WFDC1: variants seen among roughly 807,000 people sequenced by gnomAD.
WFDC1 encodes the protein WAP four-disulfide core domain 1, also known as WAP four-disulfide core domain protein 1.
WFDC1 carries 39 observed loss-of-function variants against 32.9 expected under a neutral mutation model. That is an observed-to-expected ratio of 1.19 (90% CI 0.92 to 1.55). WFDC1 has a LOEUF of 1.55. WFDC1 is among the 40% of genes most tolerant of loss of function. The pLI is 0.00. For synonymous variants in WFDC1, 184 were observed against 137.4 expected (o/e 1.34, Z -2.37); for missense variants, 386 against 309.5 (o/e 1.25, Z -1.85).
At position 84,299,212 on chromosome 16, in the gene WFDC1, A is replaced by G. The variant is rs537853928; in HGVS notation, c.144+4097A>G. ...CCCGTCTGTACTAAAAATACAAAAA[A>G]AATTAGCCGGGCATGGTGGCGCATG... On this transcript the variant is annotated intron_variant, in intron 1 of 6. Coordinates refer to ENST00000219454, the MANE Select transcript of WFDC1 (RefSeq NM_021197.4). 2.1e-4 allele frequency among the ~76,000 whole-genome samples: 32 copies of G among 152,160 alleles called. 1 individual carries two copies. The East Asian group carries it at 5.8e-3, about 28-fold the overall frequency.
At chr16:84,302,359 T>C (rs966995223) in intron 1 of WFDC1, among the ~76,000 whole-genome samples, 21 of 151,926 alleles carry the variant, frequency 1.4e-4, no homozygotes, top group African/African-American at 5.1e-4. Flanking sequence ...AAATGGAAAA[T>C]TGCATGTTAT....
intron 1 of WFDC1, among the ~76,000 whole-genome samples, chr16:84,302,179 G>A (rs1167055264): frequency 6.6e-6 from 1 of 152,168 alleles, no homozygotes; most frequent in African/African-American, 2.4e-5. Context: ...GGACGGGAAG[G>A]AGATTCTTGG....
At chr16:84,326,303 C>T (rs570769157) in intron 5 of WFDC1, 1 of 152,802 alleles carries the variant, frequency 6.5e-6, no homozygotes. Flanking sequence ...TAATTTACAG[C>T]ACATATTTTC....
rs1423900284 is a variant in WFDC1, at chr16:84,312,853, C to T, written c.145-108C>T. ...GCTTGCTGTTTCTCACAAGAGGAAACGCAGGCTCAGAGAGGCCCGGCGCAC... is the reference window on the plus strand; with the variant it reads ...GCTTGCTGTTTCTCACAAGAGGAAATGCAGGCTCAGAGAGGCCCGGCGCAC... On this transcript the variant is annotated intron_variant, in intron 1 of 6. Coordinates refer to ENST00000219454, the MANE Select transcript of WFDC1 (RefSeq NM_021197.4). The T allele has an allele frequency of 6.4e-6, 4 of 623,996 alleles. No homozygotes were observed. The Admixed American group carries it at 1.6e-4, about 25-fold the overall frequency. The allele number at this position is 623,996 out of a possible 1,614,324, so 38.7% of individuals were successfully genotyped here.
intron 4 of WFDC1, among the ~76,000 whole-genome samples, chr16:84,322,160 CGT>C (rs10687228): frequency 6.2e-4 from 88 of 142,280 alleles, no homozygotes; most frequent in African/African-American, 1.8e-3. Flanking sequence ...TGTGTGTGTG[CGT>C]GTGTGTGTGT....
chr16:84,323,506 C>T (rs553737232), intron 4 of WFDC1, among the ~76,000 whole-genome samples: 22 of 152,302 alleles, frequency 1.4e-4, no homozygotes, highest in Admixed American at 1.2e-3. Flanking sequence ...AGCAGTTGAC[C>T]ACTTTTTACA....
At chr16:84,312,885 C>T (rs938126490) in intron 1 of WFDC1, 76 bp from the exon 2 acceptor site, 23 of 949,270 alleles carry the variant, frequency 2.4e-5, no homozygotes, top group African/African-American at 1.4e-4. Context: ...GCACTGCCCA[C>T]CCCCTTGCAA....
chr16:84,297,874 C>T (rs968564406), intron 1 of WFDC1, among the ~76,000 whole-genome samples: 13 of 152,070 alleles, frequency 8.5e-5, no homozygotes, highest in African/African-American at 1.2e-4. Flanking sequence ...CAGGGACTTA[C>T]GGATGATAGG....
intron 1 of WFDC1, among the ~76,000 whole-genome samples, chr16:84,307,750 G>T (rs919009149): frequency 2.0e-5 from 3 of 152,214 alleles, no homozygotes; most frequent in Admixed American, 2.0e-4. Flanking sequence ...CTCCGAAGGA[G>T]GCTGGGGCGC....
At chr16:84,304,377 C>T (rs555044426) in intron 1 of WFDC1, among the ~76,000 whole-genome samples, 5 of 151,904 alleles carry the variant, frequency 3.3e-5, no homozygotes, top group African/African-American at 4.8e-5. Context: ...TATAGGCACC[C>T]GCCACCACGC....
chr16:84,305,822 C>G (rs1013756683), intron 1 of WFDC1, among the ~76,000 whole-genome samples: 1 of 151,270 alleles, frequency 6.6e-6, no homozygotes, highest in Non-Finnish European at 1.5e-5. Flanking sequence ...GGCAACAAGG[C>G]AAAACCCCAT....
At position 84,311,384 on chromosome 16, in the gene WFDC1, A is replaced by ATTTTTTTT. The variant is rs747950638; in HGVS notation, c.145-1576_145-1569dup. On this transcript the variant is annotated intron_variant, in intron 1 of 6. Transcript: ENST00000219454. Reference sequence around the variant, plus strand: ...AGGTGCTCGCCACCACGCCCGGCTAATTTTTTTTCTTTTTTTTGTATTTTT... The same window carrying ATTTTTTTT: ...AGGTGCTCGCCACCACGCCCGGCTAATTTTTTTTTTTTTTTTCTTTTTTTTGTATTTTT... 3.6e-3 allele frequency among the ~76,000 whole-genome samples: 426 copies of ATTTTTTTT among 118,212 alleles called. 12 individuals are homozygous for ATTTTTTTT. Among genetic ancestry groups the ATTTTTTTT allele is most frequent in the East Asian group, 0.014 (47 of 3,432 alleles). 77.6% of individuals were successfully genotyped at this position (118,212 alleles called of 152,430 possible). A position where few individuals can be genotyped will look rare whatever the true frequency, so the allele number is the denominator to read the frequency against.
At chr16:84,296,909 G>C (rs1326761119) in intron 1 of WFDC1, 1 of 152,172 alleles carries the variant, frequency 6.6e-6, no homozygotes, top group Non-Finnish European at 1.5e-5. Context: ...GGCCAGAGGG[G>C]AGGCATTGAG....
intron 5 of WFDC1, chr16:84,325,688 C>T (rs972868127): frequency 6.7e-6 from 1 of 149,384 alleles, no homozygotes; most frequent in Non-Finnish European, 1.5e-5. Flanking sequence ...CCATCCATTC[C>T]TCCATCGATC....
chr16:84,303,607 C>G (rs910359963), intron 1 of WFDC1, among the ~76,000 whole-genome samples: 4 of 152,174 alleles, frequency 2.6e-5, no homozygotes, highest in Non-Finnish European at 5.9e-5. Context: ...GAAGCAGTTA[C>G]ACACAGCACA....
Position 84,313,165 on chromosome 16 carries a change from G to A in WFDC1, c.337+12G>A, listed in dbSNP as rs3743646. ...GCCGCCCCCGCCAGGTAGGTCCTGG[G>A]CCCGAGGGAGGGGGCTGAGGGAGGA... On this transcript the variant is annotated intron_variant, in intron 2 of 6. Coordinates refer to ENST00000219454, the MANE Select transcript of WFDC1 (RefSeq NM_021197.4). The A allele has an allele frequency of 9.5e-4, 1,334 of 1,410,136 alleles. 30 individuals are homozygous for A. The East Asian group carries it at 0.036, about 38-fold the overall frequency. 87.4% of individuals were successfully genotyped at this position (1,410,136 alleles called of 1,614,324 possible).
chr16:84,311,357 A>G (rs1365058481), intron 1 of WFDC1, among the ~76,000 whole-genome samples: 1 of 147,592 alleles, frequency 6.8e-6, no homozygotes, highest in Non-Finnish European at 1.5e-5. Context: ...CCATTCTCCT[A>G]CAGGTGCTCG....
chr16:84,323,734 CAAA>C (rs1328644466), intron 4 of WFDC1, among the ~76,000 whole-genome samples: 1 of 152,226 alleles, frequency 6.6e-6, no homozygotes, highest in Admixed American at 6.5e-5. Context: ...TGGGCAGACT[CAAA>C]AGAGTGTCAT....
In WFDC1 at chr16:84,311,007, T is replaced by C. The variant is rs1907583579; in HGVS notation, c.145-1954T>C. Among the ~76,000 whole-genome samples, 5 of 152,238 alleles carry C rather than the reference T, an allele frequency of 3.3e-5. No homozygotes were observed. The South Asian group carries it at 1.0e-3, about 32-fold the overall frequency. ...CAGGAGGCAGCGCAAGCCAGGGTGGTTTTTTTCCAATTAATCTATCCTGTA... is the reference window on the plus strand; with the variant it reads ...CAGGAGGCAGCGCAAGCCAGGGTGGCTTTTTTCCAATTAATCTATCCTGTA... On this transcript the variant is annotated intron_variant, in intron 1 of 6. Coordinates refer to ENST00000219454, the MANE Select transcript of WFDC1 (RefSeq NM_021197.4).
Sources: gnomAD v4.1 joint callset for allele counts (sites outside exome capture counted in the v4.1 genomes callset) on GRCh38, gnomAD v4.1.1 for gene constraint, MANE v1.5 for transcripts, NCBI Gene and HGNC (gene_info 2026-07-23, HGNC 2026-07-21) for gene names.